THAP5: variants seen among roughly 807,000 people sequenced by gnomAD.
THAP5 encodes the protein THAP domain containing 5.
A neutral mutation model predicts 34.0 loss-of-function variants in THAP5; 26 were observed. The observed-to-expected ratio is 0.77, with a 90% confidence interval of 0.56 to 1.06. THAP5 has a LOEUF of 1.06. Among genes scored for constraint, THAP5 ranks in the 50% least tolerant of loss-of-function variants. THAP5 has a pLI of 0.00. For synonymous variants in THAP5, 125 were observed against 153.0 expected, an observed-to-expected ratio of 0.82 and a Z score of 1.35; for missense variants, 394 against 452.8, an observed-to-expected ratio of 0.87 and a Z score of 1.18.
At chr7:108,551,886 G>A (rs555608920), downstream of THAP5, among the ~76,000 whole-genome samples, 1 of 152,330 alleles carries the variant, frequency 6.6e-6, no homozygotes, top group African/African-American at 2.4e-5. Context: ...CTGTTGCAGA[G>A]TGGCTTAGCT....
At chr7:108,546,856 C>T in the THAP5 span, among the ~76,000 whole-genome samples, 30 of 152,176 alleles carry the variant, frequency 2.0e-4, no homozygotes, top group African/African-American at 6.7e-4. Context: ...ATTATATTAC[C>T]AATGCAAACC....
At chr7:108,550,886 A>G (rs1864349235), downstream of THAP5, among the ~76,000 whole-genome samples, 1 of 152,124 alleles carries the variant, frequency 6.6e-6, no homozygotes, top group African/African-American at 2.4e-5. Context: ...CAACACATGA[A>G]TTTTCAGGGG....
chr7:108,554,745 G>T (rs1864374689), exon 2 of THAP5: 1 of 152,156 alleles, frequency 6.6e-6, no homozygotes. Flanking sequence ...GTGACTCAGA[G>T]AAATCATCTT....
chr7:108,546,539 C>T, the THAP5 span, among the ~76,000 whole-genome samples: 4 of 152,002 alleles, frequency 2.6e-5, no homozygotes, highest in South Asian at 2.1e-4. Context: ...GAAGAGGAAT[C>T]GTAAGGGGAC....
intron 1 of THAP5, among the ~76,000 whole-genome samples, chr7:108,568,108 G>A (rs1445846132): frequency 3.9e-5 from 6 of 152,212 alleles, no homozygotes. Flanking sequence ...GGATTAGATT[G>A]TTTTCCTCCC....
Position 108,564,960 on chromosome 7 carries a change from G to A in THAP5, c.419C>T (p.Pro140Leu). 1 of 1,559,030 alleles carries A rather than the reference G, an allele frequency of 6.4e-7. No homozygotes were observed. Among genetic ancestry groups the A allele is most frequent in the South Asian group, 1.2e-5 (1 of 85,588 alleles). Residue 140 changes from proline (P) to leucine (L), a missense_variant, in exon 3 of 3, where the codon CCA (proline) becomes CTA (leucine). Physicochemically the swap from Pro to Leu is moderately conservative, Grantham distance 98 (BLOSUM62 -3). Transcript: ENST00000415914. Reference protein sequence around the residue: ...IVNTDVPHQHPELLHSSSLVK... With the variant: ...IVNTDVPHQHLELLHSSSLVK... ...CAAGGAAGATGAATGAAGTAATTCT[G>A]GATGTTGATGGGGCACATCTGTGTT...
At chr7:108,556,619 C>T (rs1373282172) in intron 1 of THAP5, among the ~76,000 whole-genome samples, 1 of 152,210 alleles carries the variant, frequency 6.6e-6, no homozygotes, top group Non-Finnish European at 1.5e-5. Context: ...GCTCCCAAGG[C>T]CTCGGGCAGC....
At chr7:108,567,635 CA>C (rs1790513750) in intron 1 of THAP5, among the ~76,000 whole-genome samples, 1 of 152,064 alleles carries the variant, frequency 6.6e-6, no homozygotes, top group Non-Finnish European at 1.5e-5. Context: ...TGTAATTCCC[CA>C]AAAGGCATAA....
downstream of THAP5, among the ~76,000 whole-genome samples, chr7:108,557,851 G>A (rs908983951): frequency 3.9e-5 from 6 of 152,160 alleles, no homozygotes; most frequent in African/African-American, 1.4e-4. Flanking sequence ...TTCTCACACT[G>A]CTATAAATAA....
chr7:108,552,326 AT>A (rs749057950), downstream of THAP5, among the ~76,000 whole-genome samples: 1 of 152,024 alleles, frequency 6.6e-6, no homozygotes, highest in Non-Finnish European at 1.5e-5. Flanking sequence ...GTTGATTTCA[AT>A]TACTAAGGCT....
chr7:108,554,679 T>C (rs903405214), exon 2 of THAP5: 1 of 152,198 alleles, frequency 6.6e-6, no homozygotes, highest in Non-Finnish European at 1.5e-5. Flanking sequence ...TTTACCTGCA[T>C]CATCCATCCA....
At chr7:108,548,407 C>T in the THAP5 span, among the ~76,000 whole-genome samples, 1 of 152,106 alleles carries the variant, frequency 6.6e-6, no homozygotes, top group Admixed American at 6.6e-5. Flanking sequence ...GCAATAATGA[C>T]ACTGGATGAT....
At chr7:108,558,375 G>A (rs1864401038), downstream of THAP5, among the ~76,000 whole-genome samples, 1 of 51,910 alleles carries the variant, frequency 1.9e-5, no homozygotes, top group African/African-American at 1.2e-4. Flanking sequence ...ATATGTGTGT[G>A]TGTATGTATA....
Position 108,564,199 on chromosome 7 carries a change from T to A in THAP5, c.1180A>T (p.Met394Leu), listed in dbSNP as rs773357673. The change falls in exon 3 of 3, where the codon ATG (methionine) becomes TTG (leucine). Residue 394 changes from methionine (M) to leucine (L), a missense_variant. Met to Leu is a conservative substitution (Grantham distance 15). Transcript: ENST00000415914. Reference sequence around the variant, plus strand: ...TTTAAAACCTAGTTATTCTATATCATAGTGACTTCATATGTTGTAAAATGG... The same window carrying A: ...TTTAAAACCTAGTTATTCTATATCAAAGTGACTTCATATGTTGTAAAATGG... ...ENHFTTYEVT[M>L]I 2.5e-6 allele frequency: 4 copies of A among 1,581,084 alleles called. No individual in the cohort carries two copies. The Admixed American group carries it at 7.7e-5, about 30-fold the overall frequency.
At chr7:108,566,100 A>G in intron 1 of THAP5, 78 bp from the exon 2 acceptor site, 8 of 1,227,292 alleles carry the variant, frequency 6.5e-6, no homozygotes, top group Admixed American at 2.9e-5. Context: ...CCCACCCTAT[A>G]TATCTGGGTA....
chr7:108,542,282 G>C, the THAP5 span, among the ~76,000 whole-genome samples: 1 of 152,018 alleles, frequency 6.6e-6, no homozygotes, highest in Non-Finnish European at 1.5e-5. Context: ...TGTCTATAAG[G>C]CTAGATGGTA....
At chr7:108,542,819 C>T in the THAP5 span, among the ~76,000 whole-genome samples, 1 of 152,134 alleles carries the variant, frequency 6.6e-6, no homozygotes, top group African/African-American at 2.4e-5. Context: ...ATTCAGCTGG[C>T]AGATGGGCTG....
At chr7:108,552,609 G>A (rs1206130498), downstream of THAP5, among the ~76,000 whole-genome samples, 2 of 152,218 alleles carry the variant, frequency 1.3e-5, no homozygotes, top group African/African-American at 4.8e-5. Flanking sequence ...AGACCAGCCT[G>A]GCCAACATGG....
At position 108,564,335 on chromosome 7, in the gene THAP5, T is replaced by G. The variant is rs1462377334; in HGVS notation, c.1044A>C (p.Leu348=). 1.5e-5 allele frequency: 25 copies of G among 1,613,780 alleles called. No individual in the cohort carries two copies. The East Asian group carries it at 5.6e-4, about 36-fold the overall frequency. The part of the protein sequence containing the change: ...VSKLHSKITL[L]ELKEQQTLGR... ...CTAGAGTTTGTTGCTCTTTTAACTC[T>G]AGAAGAGTTATCTTTGAATGTAGCT... Residue 348 remains leucine (L), a synonymous_variant, in exon 3 of 3, where the codon CTA becomes CTC. Transcript: ENST00000415914.
Sources: allele counts gnomAD v4.1 joint callset (sites outside exome capture counted in the v4.1 genomes callset), GRCh38; gene constraint gnomAD v4.1.1; transcripts MANE v1.5; gene names NCBI Gene and HGNC (gene_info 2026-07-23, HGNC 2026-07-21).